DLEU7: variants seen among roughly 807,000 people sequenced by gnomAD.
DLEU7 encodes leukemia-associated protein 7.
In DLEU7, 17 loss-of-function variants were observed where a neutral mutation model predicts 16.0. The observed-to-expected ratio is 1.06, with a 90% CI of 0.73 to 1.59. DLEU7 has a LOEUF of 1.59. Among genes scored for constraint, DLEU7 ranks in the 40% most tolerant of loss-of-function variants. The pLI is 0.00. For missense variants in DLEU7, 308 were observed against 314.9 expected (o/e 0.98, Z 0.17); for synonymous variants, 113 against 139.8 (o/e 0.81, Z 1.35).
At chr13:50,840,650 G>A (rs1412545784) in intron 1 of DLEU7, among the ~76,000 whole-genome samples, 2 of 152,132 alleles carry the variant, frequency 1.3e-5, no homozygotes, top group African/African-American at 4.8e-5. Context: ...GGCTGGGTAA[G>A]TAAAGAGTGT....
chr13:50,823,069 C>G lies in DLEU7; in HGVS notation c.*245G>C. On this transcript the variant is annotated 3_prime_UTR_variant, in exon 2 of 2. Coordinates refer to ENST00000504404, the MANE Select transcript of DLEU7 (RefSeq NM_001306135.2). ...CAGCTTCACAAAGTAGAATGTATTT[C>G]AATCAGAAAGTCAGCAAATAGGTCA... The G allele has an allele frequency of 8.0e-7, 1 of 1,243,730 alleles. No individual in the cohort carries two copies. The highest frequency in any genetic ancestry group is 1.0e-6 in the Non-Finnish European group (1 of 984,528). The allele number at this position is 1,243,730 out of a possible 1,614,324, so 77.0% of individuals were successfully genotyped here.
chr13:50,749,006 T>G (rs976361544), intron 1 of DLEU7, among the ~76,000 whole-genome samples: 1 of 152,108 alleles, frequency 6.6e-6, no homozygotes, highest in Non-Finnish European at 1.5e-5. Context: ...CAGTATACAT[T>G]GTACCCTATT....
chr13:50,812,432 C>T (rs928813017), intron 1 of DLEU7, among the ~76,000 whole-genome samples: 7 of 152,152 alleles, frequency 4.6e-5, no homozygotes, highest in African/African-American at 1.7e-4. Context: ...AGAAATCCCA[C>T]TTGGGTGTGC....
intron 1 of DLEU7, among the ~76,000 whole-genome samples, chr13:50,763,732 C>T (rs796493867): frequency 4.5e-4 from 68 of 152,326 alleles, no homozygotes; most frequent in African/African-American, 1.6e-3. Flanking sequence ...CTGCAGGCTT[C>T]CCAGTGACCT....
At chr13:50,739,203 G>A (rs542289142) in intron 1 of DLEU7, among the ~76,000 whole-genome samples, 11 of 151,974 alleles carry the variant, frequency 7.2e-5, no homozygotes, top group East Asian at 1.9e-4. Context: ...AATTCTTCTC[G>A]GACCTCTCAG....
intron 1 of DLEU7, among the ~76,000 whole-genome samples, chr13:50,733,289 C>A (rs571064548): frequency 6.6e-6 from 1 of 152,156 alleles, no homozygotes; most frequent in East Asian, 1.9e-4. Context: ...TTTTAACCAG[C>A]CTGAGAACCA....
rs528165744 is a variant in DLEU7, at chr13:50,740,188, A to G, written c.460-26948T>C. Among the ~76,000 whole-genome samples, 482 of 152,296 alleles carry G rather than the reference A, an allele frequency of 3.2e-3. 4 individuals are homozygous for G. The highest frequency in any genetic ancestry group is 5.7e-3 in the Non-Finnish European group (385 of 68,008). The stretch of plus-strand genomic sequence containing the variant: ...ATTTATTGATCCCTTGGTACATTCC[A>G]TCCTGATGATGGGCAAATGGGAAAA... On this transcript the variant is annotated intron_variant, in intron 1 of 1. Transcript: ENST00000400393.
At chr13:50,728,932 G>A (rs1326453420) in intron 1 of DLEU7, among the ~76,000 whole-genome samples, 1 of 152,052 alleles carries the variant, frequency 6.6e-6, no homozygotes, top group Non-Finnish European at 1.5e-5. Flanking sequence ...ACCCTTTACA[G>A]GGGTGAGGTT....
chr13:50,740,627 G>A (rs10507565), intron 1 of DLEU7, among the ~76,000 whole-genome samples: 28,250 of 151,902 alleles, frequency 0.19, 3,156 homozygotes, highest in Middle Eastern at 0.28. Context: ...CCTTTTTATC[G>A]CTAATCTCTG....
chr13:50,788,313 T>TA (rs1875851900), intron 1 of DLEU7, among the ~76,000 whole-genome samples: 1 of 152,098 alleles, frequency 6.6e-6, no homozygotes, highest in African/African-American at 2.4e-5. Flanking sequence ...AGCCTCCTCT[T>TA]AGAGAGGGGG....
chr13:50,732,323 T>C (rs1593532128), intron 1 of DLEU7, among the ~76,000 whole-genome samples: 1 of 152,228 alleles, frequency 6.6e-6, no homozygotes, highest in East Asian at 1.9e-4. Context: ...AAAAAGCTCA[T>C]GTTCGAGCTG....
chr13:50,826,293 G>C (rs1877084442), intron 1 of DLEU7, among the ~76,000 whole-genome samples: 1 of 152,084 alleles, frequency 6.6e-6, no homozygotes. Context: ...CCAGGGGTTA[G>C]GGACCTGTGC....
At chr13:50,732,825 T>G (rs2812242) in intron 1 of DLEU7, among the ~76,000 whole-genome samples, 12,668 of 152,124 alleles carry the variant, frequency 0.083, 561 homozygotes, top group East Asian at 0.15. Context: ...CCAAACACTG[T>G]TGAAACACAG....
intron 1 of DLEU7, among the ~76,000 whole-genome samples, chr13:50,747,880 G>A (rs1052203311): frequency 6.6e-6 from 1 of 152,152 alleles, no homozygotes; most frequent in Admixed American, 6.6e-5. Context: ...AATGAGCATG[G>A]CTTCCAATTT....
chr13:50,739,410 T>C (rs1030334892), intron 1 of DLEU7, among the ~76,000 whole-genome samples: 1 of 152,104 alleles, frequency 6.6e-6, no homozygotes, highest in Non-Finnish European at 1.5e-5. Flanking sequence ...GCCTAGTAGG[T>C]GAATCCATGA....
chr13:50,766,019 T>G (rs904777815), intron 1 of DLEU7, among the ~76,000 whole-genome samples: 4 of 152,094 alleles, frequency 2.6e-5, no homozygotes, highest in African/African-American at 9.7e-5. Context: ...TACTCTTTAG[T>G]AGGAGGGTTG....
chr13:50,738,193 T>C (rs375955372), intron 1 of DLEU7, among the ~76,000 whole-genome samples: 1 of 152,156 alleles, frequency 6.6e-6, no homozygotes, highest in African/African-American at 2.4e-5. Flanking sequence ...TGAAGTTTAA[T>C]AGATGAAGCA....
chr13:50,788,906 A>G (rs1875867419), intron 1 of DLEU7, among the ~76,000 whole-genome samples: 1 of 152,140 alleles, frequency 6.6e-6, no homozygotes, highest in African/African-American at 2.4e-5. Context: ...TTTTATTTTC[A>G]GCTGTAAACC....
intron 1 of DLEU7, among the ~76,000 whole-genome samples, chr13:50,738,872 A>G (rs993230077): frequency 2.0e-5 from 3 of 152,016 alleles, no homozygotes; most frequent in African/African-American, 4.8e-5. Flanking sequence ...AATTCTTAAC[A>G]TGATCTACAA....
Sources: allele counts gnomAD v4.1 joint callset (sites outside exome capture counted in the v4.1 genomes callset), GRCh38; gene constraint gnomAD v4.1.1; transcripts MANE v1.5; gene names NCBI Gene and HGNC (gene_info 2026-07-23, HGNC 2026-07-21).